JPH2: variants seen among roughly 807,000 people sequenced by gnomAD.
JPH2 encodes the protein junctophilin-2.
JPH2 carries 38 observed loss-of-function variants against 55.9 expected under a neutral mutation model. The ratio of observed to expected loss-of-function variants is 0.68; its 90% CI spans 0.52 to 0.89. The LOEUF is 0.89. JPH2 is among the 40% of genes least tolerant of loss of function. The probability of loss-of-function intolerance (pLI) is 0.00; values close to 1 mark genes in which losing one functional copy is unlikely to be tolerated. For synonymous variants in JPH2, 480 were observed against 472.4 expected, an observed-to-expected ratio of 1.02 and a Z score of -0.21; for missense variants, 964 against 1,037.6, an observed-to-expected ratio of 0.93 and a Z score of 0.97.
chr20:44,145,359 C>T (rs1211003595), intron 2 of JPH2, among the ~76,000 whole-genome samples: 2 of 152,166 alleles, frequency 1.3e-5, no homozygotes, highest in Non-Finnish European at 2.9e-5. Flanking sequence ...AATCCCAACA[C>T]TTTGGGAGGC....
At position 44,116,044 on chromosome 20, in the gene JPH2, G is replaced by A; in HGVS notation, c.1631C>T (p.Ala544Val). ...AGGCGGTGCCTGCAGAGCCTCGATG[G>A]CCATGCGCTCGGTGGCTGGACGCGC... is the stretch of plus-strand genomic sequence containing the variant. ...SPARPATERM[A>V]IEALQAPPAP... The change falls in exon 4 of 6, where the codon GCC becomes GTC. Residue 544 changes from alanine (A) to valine (V), a missense_variant. Physicochemically the swap from Ala to Val is moderately conservative, Grantham distance 64. Transcript: ENST00000372980. 1 of 1,568,464 alleles carries A rather than the reference G, an allele frequency of 6.4e-7. No homozygotes were observed. The highest frequency in any genetic ancestry group is 8.6e-7 in the Non-Finnish European group (1 of 1,166,344).
intron 2 of JPH2, among the ~76,000 whole-genome samples, chr20:44,154,526 A>G (rs953522397): frequency 3.3e-5 from 5 of 152,140 alleles, no homozygotes; most frequent in African/African-American, 1.2e-4. Flanking sequence ...TCCATAGCTC[A>G]TTTTACAGGG....
rs780938930 is a variant in JPH2, at chr20:44,116,088, G to T, written c.1587C>A (p.Gly529=). 6.6e-7 allele frequency: 1 copy of T among 1,509,078 alleles called. No homozygotes were observed. The highest frequency in any genetic ancestry group is 8.8e-7 in the Non-Finnish European group (1 of 1,140,414). The allele number at this position is 1,509,078 out of a possible 1,614,324, so 93.5% of individuals were successfully genotyped here. The change falls in exon 4 of 6, where the codon GGC becomes GGA. Residue 529 remains glycine (G), a synonymous_variant. Coordinates refer to ENST00000372980, the MANE Select transcript of JPH2 (RefSeq NM_020433.5). ...GACGCGCGGGGCTGCGGCGGCCCGC[G>T]CCCTCGGACGGAGTGACTGACCGGC... ...EGSRSVTPSE[G]AGRRSPARPA...
chr20:44,156,239 G>T (rs886458647), intron 2 of JPH2, among the ~76,000 whole-genome samples: 1 of 152,118 alleles, frequency 6.6e-6, no homozygotes. Context: ...GTGCCATGTT[G>T]GTCTTGACAA....
At position 44,134,381 on chromosome 20, in the gene JPH2, AAATAAATAT is replaced by A. The variant is rs1482122064; in HGVS notation, c.1170-15767_1170-15759del. Among the ~76,000 whole-genome samples, 21 of 5,666 alleles carry A rather than the reference AAATAAATAT, an allele frequency of 3.7e-3. 5 individuals carry two copies. The highest frequency in any genetic ancestry group is 0.018 in the African/African-American group (20 of 1,092). 3.7% of individuals were successfully genotyped at this position (5,666 alleles called of 152,430 possible). On this transcript the variant is annotated intron_variant, in intron 2 of 5. Coordinates refer to ENST00000372980, the MANE Select transcript of JPH2 (RefSeq NM_020433.5). ...ATATATATTTATTATAAATATATAT[AAATAAATAT>A]ATATTTATTATAAATATATATAAAT...
At chr20:44,166,808 G>A (rs867090853) in intron 1 of JPH2, among the ~76,000 whole-genome samples, 1 of 152,194 alleles carries the variant, frequency 6.6e-6, no homozygotes, top group Non-Finnish European at 1.5e-5. Context: ...GAGAGGGGCC[G>A]TCTGCAGAAG....
At chr20:44,177,674 G>T in intron 1 of JPH2, 1 of 1,253,534 alleles carries the variant, frequency 8.0e-7, no homozygotes, top group Non-Finnish European at 1.0e-6. Flanking sequence ...ATTCGAAATG[G>T]AATCATGTCT....
At chr20:44,134,325 A>T (rs1445915684) in intron 2 of JPH2, among the ~76,000 whole-genome samples, 1 of 2,720 alleles carries the variant, frequency 3.7e-4, no homozygotes, top group African/African-American at 3.7e-3. Flanking sequence ...ATAAATATAT[A>T]ATAAATATAT....
chr20:44,120,903 G>C (rs558948362), intron 2 of JPH2, among the ~76,000 whole-genome samples: 18 of 152,208 alleles, frequency 1.2e-4, no homozygotes, highest in Non-Finnish European at 2.1e-4. Context: ...CCTGTGCCAG[G>C]AGCTGAGCAT....
chr20:44,123,766 C>T (rs927998311), intron 2 of JPH2, among the ~76,000 whole-genome samples: 6 of 152,172 alleles, frequency 3.9e-5, no homozygotes, highest in South Asian at 4.1e-4. Context: ...AGGGAACGAG[C>T]CTAGGAATCT....
At chr20:44,115,623 T>C (rs200504712) in intron 4 of JPH2, 42 bp downstream of exon 4, 289 of 1,611,240 alleles carry the variant, frequency 1.8e-4, no homozygotes, top group Non-Finnish European at 2.3e-4. Context: ...CTGCTACCTC[T>C]AGGGAACCCG....
At position 44,115,722 on chromosome 20, in the gene JPH2, C is replaced by T; in HGVS notation, c.1953G>A (p.Lys651=). Residue 651 remains lysine, a synonymous_variant, in exon 4 of 6, where the codon AAG becomes AAA. Transcript: ENST00000372980. ...EARGLTKAGA[K]KKARKEAALA... is the part of the protein sequence containing the mutation. Reference sequence around the variant, plus strand: ...GTGCGGCCTCCTTCCGCGCCTTCTTCTTGGCCCCCGCCTTGGTCAGCCCTC... The same window carrying T: ...GTGCGGCCTCCTTCCGCGCCTTCTTTTTGGCCCCCGCCTTGGTCAGCCCTC... 1 of 1,613,662 alleles carries T rather than the reference C, an allele frequency of 6.2e-7. No homozygotes were observed. Among genetic ancestry groups the T allele is most frequent in the Middle Eastern group, 1.7e-4 (1 of 5,836 alleles).
intron 1 of JPH2, among the ~76,000 whole-genome samples, chr20:44,179,279 A>C (rs1298158531): frequency 6.6e-6 from 1 of 152,214 alleles, no homozygotes; most frequent in African/African-American, 2.4e-5. Flanking sequence ...GGTTTGTTTC[A>C]ATTTTACATT....
At chr20:44,186,268 C>T (rs2072839418) in intron 1 of JPH2, 59 bp downstream of exon 1, 2 of 1,587,352 alleles carry the variant, frequency 1.3e-6, no homozygotes, top group Admixed American at 3.4e-5. Flanking sequence ...CACCCTCCAC[C>T]AGGGTTTCTC....
Position 44,118,481 on chromosome 20 carries a change from C to T in JPH2, c.1288+24G>A, listed in dbSNP as rs1262636960. On this transcript the variant is annotated intron_variant, in intron 3 of 5. Transcript: ENST00000372980. The stretch of plus-strand genomic sequence containing the variant: ...CACCCTAGGGATAGCCCTACCCTGC[C>T]CATCCTTCCCTGGCTGGCCCTACCT... The T allele has an allele frequency of 2.5e-6, 4 of 1,573,102 alleles. No homozygotes were observed. The Admixed American group carries it at 6.7e-5, about 26-fold the overall frequency.
chr20:44,107,901 T>C lies in JPH2; in HGVS notation c.*5617A>G, dbSNP rs952837786. Reference sequence around the variant, plus strand: ...GGATATCCTGATTAACAGGAGTGTCTTTGTTATTCATGGTGGGCTCCTGGG... The same window carrying C: ...GGATATCCTGATTAACAGGAGTGTCCTTGTTATTCATGGTGGGCTCCTGGG... On this transcript the variant is annotated 3_prime_UTR_variant, in exon 6 of 6. Coordinates refer to ENST00000372980, the MANE Select transcript of JPH2 (RefSeq NM_020433.5). Among the ~76,000 whole-genome samples, 1 of 152,214 alleles carries C rather than the reference T, an allele frequency of 6.6e-6. No homozygotes were observed. The highest frequency in any genetic ancestry group is 6.5e-5 in the Admixed American group (1 of 15,280).
intron 1 of JPH2, among the ~76,000 whole-genome samples, chr20:44,171,281 T>A (rs1235828070): frequency 1.3e-5 from 2 of 152,136 alleles, no homozygotes; most frequent in East Asian, 3.9e-4. Context: ...CCCAGGGGGA[T>A]TTAAGCTGGT....
chr20:44,169,263 G>A (rs1446643801), intron 1 of JPH2, among the ~76,000 whole-genome samples: 6 of 147,946 alleles, frequency 4.1e-5, no homozygotes, highest in Admixed American at 6.9e-5. Context: ...TGCAACCACC[G>A]CCTCCTGGGT....
chr20:44,153,239 G>C (rs1387376132), intron 2 of JPH2, among the ~76,000 whole-genome samples: 1 of 152,196 alleles, frequency 6.6e-6, no homozygotes, highest in African/African-American at 2.4e-5. Context: ...TGCTTTCCAA[G>C]CACCGGCCCT....
Sources: allele counts gnomAD v4.1 joint callset (sites outside exome capture counted in the v4.1 genomes callset), GRCh38; gene constraint gnomAD v4.1.1; transcripts MANE v1.5; gene names NCBI Gene and HGNC (gene_info 2026-07-23, HGNC 2026-07-21).